VPS13D: variants seen among roughly 807,000 people sequenced by gnomAD.
The protein encoded by VPS13D is vacuolar protein sorting 13 homolog D, also known as intermembrane lipid transfer protein VPS13D.
VPS13D carries 187 observed loss-of-function variants against 461.9 expected under a neutral mutation model. The ratio of observed to expected loss-of-function variants is 0.40; its 90% CI spans 0.36 to 0.46. The LOEUF (loss-of-function observed/expected upper bound fraction) is 0.46. VPS13D is among the 20% of genes least tolerant of loss of function. VPS13D has a pLI of 0.60. For missense variants in VPS13D, 4,711 were observed against 5,364.9 expected, an observed-to-expected ratio of 0.88 and a Z score of 3.81; for synonymous variants, 1,951 against 1,986.3, an observed-to-expected ratio of 0.98 and a Z score of 0.47.
intron 30 of VPS13D, 118 bp downstream of exon 30, chr1:12,314,445 A>G: frequency 8.2e-6 from 8 of 981,282 alleles, no homozygotes; most frequent in Non-Finnish European, 1.2e-5. Flanking sequence ...TAAATAGATA[A>G]TGGCTTAATC....
chr1:12,305,955 GGTTTTTATTTTTCT>G (rs1300650888), intron 26 of VPS13D, among the ~76,000 whole-genome samples: 1 of 151,580 alleles, frequency 6.6e-6, no homozygotes, highest in Non-Finnish European at 1.5e-5. Flanking sequence ...ACTCCTGCAG[GGTTTTTATTTTTCT>G]ATTTTTATTT....
Position 12,244,592 on chromosome 1 carries a change from T to C in VPS13D, c.422T>C (p.Val141Ala), listed in dbSNP as rs1472578988. 6.2e-7 allele frequency: 1 copy of C among 1,614,242 alleles called. No homozygotes were observed. The highest frequency in any genetic ancestry group is 2.2e-5 in the East Asian group (1 of 44,894). The change falls in exon 5 of 70, where the codon GTT (valine) becomes GCT (alanine). Residue 141 changes from valine to alanine, a missense_variant. Val to Ala is a moderately conservative substitution (Grantham distance 64). This residue lies in a region of VPS13D where 4,411 missense variants were observed against 4,937.8 expected (regional missense o/e 0.89). Transcript: ENST00000620676. Reference protein sequence around the residue: ...SYWYSVTASVVTRIVENIELK... With the variant: ...SYWYSVTASVATRIVENIELK... ...TGGTATTCAGTTACCGCCTCCGTAG[T>C]TACAAGGATTGTGGAGAATATTGAA...
intron 52 of VPS13D, among the ~76,000 whole-genome samples, chr1:12,364,065 AT>A (rs1247729111): frequency 6.6e-6 from 1 of 151,750 alleles, no homozygotes; most frequent in African/African-American, 2.4e-5. Context: ...AATATTTTAA[AT>A]TGTGGTAAAA....
intron 68 of VPS13D, chr1:12,500,243 GA>G (rs1345168011): frequency 1.0e-6 from 1 of 982,596 alleles, no homozygotes; most frequent in African/African-American, 1.7e-5. Context: ...CTGGCCAGCT[GA>G]AAAGTCTTCA....
At chr1:12,428,289 C>T (rs1443291113) in intron 65 of VPS13D, among the ~76,000 whole-genome samples, 1 of 152,176 alleles carries the variant, frequency 6.6e-6, no homozygotes, top group Non-Finnish European at 1.5e-5. Flanking sequence ...CAGTTGGTCC[C>T]TGGATACAGG....
intron 24 of VPS13D, among the ~76,000 whole-genome samples, chr1:12,294,262 G>C (rs1341528604): frequency 6.6e-6 from 1 of 152,174 alleles, no homozygotes; most frequent in African/African-American, 2.4e-5. Context: ...ACAATGACTG[G>C]TAGGAGGTAT....
rs776988206 is a variant in VPS13D, at chr1:12,497,632, G to T, written c.12794+1G>T. On this transcript the variant is annotated splice_donor_variant, in intron 68 of 69. Transcript: ENST00000620676. LOFTEE classifies it high-confidence loss of function. Reference sequence around the variant, plus strand: ...TCACAGACAACATACAGGACGAATTGTAAGTTAGAGCATGGGAAACCAGCC... The same window carrying T: ...TCACAGACAACATACAGGACGAATTTTAAGTTAGAGCATGGGAAACCAGCC... 1.9e-6 allele frequency: 3 copies of T among 1,611,550 alleles called. No individual in the cohort carries two copies. The highest frequency in any genetic ancestry group is 1.1e-5 in the South Asian group (1 of 90,962).
chr1:12,326,783 A>C (rs984003363), intron 35 of VPS13D, among the ~76,000 whole-genome samples: 1 of 151,988 alleles, frequency 6.6e-6, no homozygotes, highest in African/African-American at 2.4e-5. Context: ...ATCTGGGATT[A>C]CAGGCACATG....
intron 9 of VPS13D, 27 bp downstream of exon 9, chr1:12,257,114 A>G (rs1448633640): frequency 6.3e-7 from 1 of 1,596,420 alleles, no homozygotes; most frequent in South Asian, 1.1e-5. Flanking sequence ...GTGGTCATGA[A>G]ATTCATGTTA....
In VPS13D at chr1:12,403,859, G is replaced by A; in HGVS notation, c.11916G>A (p.Lys3972=). 1 of 1,605,456 alleles carries A rather than the reference G, an allele frequency of 6.2e-7. No individual in the cohort carries two copies. The highest frequency in any genetic ancestry group is 1.1e-5 in the South Asian group (1 of 88,450). The stretch of plus-strand genomic sequence containing the variant: ...AATATGATGAAAACCTCCATGAAAA[G>A]ACAGCTGAGCAAGGTGGAACACCAA... ...VEKYDENLHE[K]TAEQGGTPIR... Residue 3972 remains lysine (K), a synonymous_variant, in exon 63 of 70, where the codon AAG becomes AAA. Coordinates refer to ENST00000620676, the MANE Select transcript of VPS13D (RefSeq NM_015378.4).
At chr1:12,231,859 G>A (rs1016171636) in intron 1 of VPS13D, among the ~76,000 whole-genome samples, 1 of 152,036 alleles carries the variant, frequency 6.6e-6, no homozygotes, top group Non-Finnish European at 1.5e-5. Flanking sequence ...ATGGTGGCAG[G>A]TGCCTGTAAT....
At chr1:12,413,683 G>A (rs1056075695) in intron 63 of VPS13D, among the ~76,000 whole-genome samples, 2 of 152,040 alleles carry the variant, frequency 1.3e-5, no homozygotes, top group Non-Finnish European at 2.9e-5. Context: ...CTTCACCCAG[G>A]CTGGTCTTGA....
chr1:12,346,812 A>G (rs1383620088), intron 44 of VPS13D, among the ~76,000 whole-genome samples, 160 bp downstream of exon 44: 1 of 152,198 alleles, frequency 6.6e-6, no homozygotes, highest in Non-Finnish European at 1.5e-5. Context: ...TTCCTTTTCC[A>G]AAAACTTGCA....
At position 12,311,899 on chromosome 1, in the gene VPS13D, A is replaced by T; in HGVS notation, c.6909A>T (p.Arg2303Ser). 1 of 1,614,158 alleles carries T rather than the reference A, an allele frequency of 6.2e-7. No homozygotes were observed. Among genetic ancestry groups the T allele is most frequent in the Non-Finnish European group, 8.5e-7 (1 of 1,179,982 alleles). Residue 2303 changes from arginine (R) to serine (S), a missense_variant, in exon 29 of 70, where the codon AGA (arginine) becomes AGT (serine). By Grantham distance (110) the Arg-to-Ser change is moderately radical. This residue lies in a region of VPS13D where 4,411 missense variants were observed against 4,937.8 expected (regional missense o/e 0.89). Transcript: ENST00000620676. ...GTCTGGAGCTTAAAGATCCAAAAAG[A>T]AAAGAAGGTGCTGGGTCCCTAGCCA... ...NVSLELKDPK[R>S]KEGAGSLARF...
rs536690222 is a variant in VPS13D at position 12,319,937 on chromosome 1, C to T, written c.7548+307C>T. ...CTGCCCTGTCAGGCACCTTGTTGTG[C>T]CCTCTCGTTCTGCAGACCTCGTCCA... On this transcript the variant is annotated intron_variant, in intron 32 of 69. Transcript: ENST00000620676. Among the ~76,000 whole-genome samples, 6 of 152,336 alleles carry T rather than the reference C, an allele frequency of 3.9e-5. No homozygotes were observed. The South Asian group carries it at 1.0e-3, about 26-fold the overall frequency.
intron 60 of VPS13D, among the ~76,000 whole-genome samples, chr1:12,394,722 C>T (rs1289338590): frequency 6.6e-6 from 1 of 152,170 alleles, no homozygotes; most frequent in Non-Finnish European, 1.5e-5. Flanking sequence ...TCCTTTGGAT[C>T]CCTTCCTGTA....
Position 12,507,032 on chromosome 1 carries a change from A to G in VPS13D, c.12974A>G (p.Lys4325Arg), listed in dbSNP as rs762834212. The change falls in exon 69 of 70, where the codon AAG becomes AGG. Residue 4325 changes from lysine to arginine, a missense_variant. Lys to Arg is a conservative substitution (Grantham distance 26). This residue lies in a region of VPS13D where 194 missense variants were observed against 220.9 expected (regional missense o/e 0.88). Transcript: ENST00000620676. The surrounding 1 kb of genome is among the most constrained non-coding windows in gnomAD (Gnocchi z 5.3). ...GGGAAGGTGTATGTGCAGGTGACCA[A>G]GAAAGCCGTGAGCACGAGCAGTGGA... ...DHGKVYVQVT[K>R]KAVSTSSGVS... 66 of 1,614,148 alleles carry G rather than the reference A, an allele frequency of 4.1e-5. No homozygotes were observed. Among genetic ancestry groups the G allele is most frequent in the Non-Finnish European group, 5.5e-5 (65 of 1,180,052 alleles).
At chr1:12,265,961 C>T (rs1365174945) in intron 13 of VPS13D, among the ~76,000 whole-genome samples, 1 of 152,078 alleles carries the variant, frequency 6.6e-6, no homozygotes, top group Non-Finnish European at 1.5e-5. Context: ...GAGTTCACAA[C>T]CAGCCTGGGC....
rs1452798572 is a variant in VPS13D at position 12,283,212 on chromosome 1, G to C, written c.5110G>C (p.Glu1704Gln). ...APKPSSLAQK[E>Q]YLSQSCPSVS... ...TAAGCCATCTAGTTTAGCACAAAAAGAATACCTTTCTCAGTCTTGCCCCTC... is the reference window on the plus strand; with the variant it reads ...TAAGCCATCTAGTTTAGCACAAAAACAATACCTTTCTCAGTCTTGCCCCTC... The change falls in exon 21 of 70, where the codon GAA becomes CAA. Residue 1704 changes from glutamate (E) to glutamine (Q), a missense_variant. Glu to Gln is a conservative substitution (Grantham distance 29, BLOSUM62 2). This residue lies in a region of VPS13D where 4,411 missense variants were observed against 4,937.8 expected (regional missense o/e 0.89). Transcript: ENST00000620676. The C allele has an allele frequency of 6.2e-7, 1 of 1,614,124 alleles. No homozygotes were observed. Among genetic ancestry groups the C allele is most frequent in the African/African-American group, 1.3e-5 (1 of 75,034 alleles).
Sources: allele counts gnomAD v4.1 joint callset (sites outside exome capture counted in the v4.1 genomes callset), GRCh38; gene constraint gnomAD v4.1.1; regional missense constraint gnomAD v4.1.1; non-coding constraint Gnocchi (gnomAD v3.1); transcripts MANE v1.5; gene names NCBI Gene and HGNC (gene_info 2026-07-23, HGNC 2026-07-21).